PDE11A: variants seen among roughly 807,000 people sequenced by gnomAD.
The protein encoded by PDE11A is dual 3',5'-cyclic-AMP and -GMP phosphodiesterase 11A.
PDE11A carries 100 observed loss-of-function variants against 100.5 expected under a neutral mutation model. That is an observed-to-expected ratio of 1.00 (90% CI 0.85 to 1.18). The LOEUF (loss-of-function observed/expected upper bound fraction) is 1.18, where lower values mean the gene tolerates loss of function less well. Among genes scored for constraint, PDE11A ranks in the 50% most tolerant of loss-of-function variants. The probability of loss-of-function intolerance (pLI) is 0.00; values close to 1 mark genes in which losing one functional copy is unlikely to be tolerated. For synonymous variants in PDE11A, 381 were observed against 420.8 expected (o/e 0.91, Z 1.16); for missense variants, 1,141 against 1,152.6 (o/e 0.99, Z 0.15).
At chr2:177,757,474 T>C (rs2082105623) in intron 10 of PDE11A, among the ~76,000 whole-genome samples, 1 of 152,222 alleles carries the variant, frequency 6.6e-6, no homozygotes, top group Non-Finnish European at 1.5e-5. Flanking sequence ...ATAGCATTTG[T>C]CTTAGTGAAC....
At position 178,104,518 on chromosome 2, in the gene PDE11A, T is replaced by C. The variant is rs999958591; in HGVS notation, c.-13-42A>G. The C allele has an allele frequency of 2.1e-4, 314 of 1,514,268 alleles. 1 individual carries two copies. The highest frequency in any genetic ancestry group is 2.5e-4 in the Non-Finnish European group (272 of 1,095,582). The allele number at this position is 1,514,268 out of a possible 1,614,324, so 93.8% of individuals were successfully genotyped here. On this transcript the variant is annotated intron_variant, in intron 1 of 20. Transcript: ENST00000358450. ...AAACCACAAACCAAAAAAATATATATATTAGATTTTCAAAGCCGGGGAGAA... is the reference window on the plus strand; with the variant it reads ...AAACCACAAACCAAAAAAATATATACATTAGATTTTCAAAGCCGGGGAGAA...
intron 15 of PDE11A, among the ~76,000 whole-genome samples, chr2:177,689,495 C>G (rs1019832030): frequency 2.0e-5 from 3 of 152,062 alleles, no homozygotes; most frequent in Non-Finnish European, 4.4e-5. Context: ...GCTCAACAGG[C>G]AAATCATACA....
intron 10 of PDE11A, among the ~76,000 whole-genome samples, chr2:177,756,218 G>C (rs1283923872): frequency 1.3e-5 from 2 of 152,126 alleles, no homozygotes; most frequent in Non-Finnish European, 2.9e-5. Flanking sequence ...TGGGCCCCTG[G>C]TCTTTCAGGG....
intron 3 of PDE11A, among the ~76,000 whole-genome samples, chr2:177,900,369 A>G (rs2105730250): frequency 6.6e-6 from 1 of 152,348 alleles, no homozygotes; most frequent in South Asian, 2.1e-4. Context: ...CATCTCAGGG[A>G]CATGACTAAT....
chr2:177,969,976 A>G (rs1381123603), intron 2 of PDE11A, among the ~76,000 whole-genome samples: 2 of 152,220 alleles, frequency 1.3e-5, no homozygotes, highest in Non-Finnish European at 2.9e-5. Context: ...AGAAACATTT[A>G]TTGAATGGTA....
intron 2 of PDE11A, among the ~76,000 whole-genome samples, chr2:177,972,984 GT>G (rs2085791619): frequency 6.6e-6 from 1 of 152,224 alleles, no homozygotes; most frequent in African/African-American, 2.4e-5. Flanking sequence ...GGATAAGGCA[GT>G]TTGGGAGTTC....
intron 19 of PDE11A, among the ~76,000 whole-genome samples, chr2:177,660,087 CTTTCTTTCTT>C (rs1161305193): frequency 0.04 from 1,649 of 41,078 alleles, 105 homozygotes; most frequent in African/African-American, 0.057. Context: ...TTCTTTCTTT[CTTTCTTTCTT>C]TCTCTCTCTC....
At chr2:177,671,276 C>A (rs1361098908) in intron 17 of PDE11A, among the ~76,000 whole-genome samples, 1 of 45,928 alleles carries the variant, frequency 2.2e-5, no homozygotes, top group Non-Finnish European at 5.6e-5. Flanking sequence ...GTGCTCCTTT[C>A]ACAGCTTAAC....
In PDE11A at chr2:177,998,798, C is replaced by T. The variant is rs1323675208; in HGVS notation, c.1071+15504G>A. On this transcript the variant is annotated intron_variant, in intron 2 of 19. Coordinates refer to ENST00000286063, the MANE Select transcript of PDE11A (RefSeq NM_016953.4). ...TGAGCGACAAGCCCAGGGCCTGCTC[C>T]CACTATCTTCATCCTTGCCGGCACC... 5.7e-6 allele frequency: 4 copies of T among 699,878 alleles called. No individual in the cohort carries two copies. In the Admixed American group the frequency reaches 8.7e-5, roughly 15 times the overall value. The allele number at this position is 699,878 out of a possible 1,614,324, so 43.4% of individuals were successfully genotyped here.
At chr2:177,630,188 A>G (rs561748232) in intron 19 of PDE11A, among the ~76,000 whole-genome samples, 1 of 152,300 alleles carries the variant, frequency 6.6e-6, no homozygotes, top group Non-Finnish European at 1.5e-5. Context: ...GGATGAGGGA[A>G]GAGGAAATGT....
At chr2:177,877,077 A>T (rs937327343) in intron 4 of PDE11A, among the ~76,000 whole-genome samples, 1 of 147,636 alleles carries the variant, frequency 6.8e-6, no homozygotes, top group Non-Finnish European at 1.5e-5. Flanking sequence ...AATGAGCCCA[A>T]AGAACAGACA....
chr2:177,995,294 T>C (rs1360589154), intron 2 of PDE11A, among the ~76,000 whole-genome samples: 6 of 152,314 alleles, frequency 3.9e-5, no homozygotes, highest in South Asian at 4.1e-4. Context: ...TTGGAATGTT[T>C]AGAGATTATT....
intron 2 of PDE11A, chr2:177,921,721 A>G (rs1005909736): frequency 6.6e-6 from 1 of 152,220 alleles, no homozygotes; most frequent in African/African-American, 2.4e-5. Flanking sequence ...ATCAAAATGC[A>G]ACCACTGACC....
At chr2:177,759,547 T>G (rs1429073285) in intron 10 of PDE11A, among the ~76,000 whole-genome samples, 2 of 152,220 alleles carry the variant, frequency 1.3e-5, no homozygotes, top group African/African-American at 4.8e-5. Context: ...TTGGCAGGCC[T>G]GGAGAGCACA....
At chr2:177,896,791 C>T (rs1037177783) in intron 4 of PDE11A, among the ~76,000 whole-genome samples, 6 of 152,120 alleles carry the variant, frequency 3.9e-5, no homozygotes, top group Admixed American at 2.6e-4. Context: ...TGTTTCACAA[C>T]GTTTCTGGAA....
intron 4 of PDE11A, among the ~76,000 whole-genome samples, chr2:177,893,018 C>G (rs1196741154): frequency 6.6e-6 from 1 of 152,136 alleles, no homozygotes; most frequent in Non-Finnish European, 1.5e-5. Flanking sequence ...CAACTCCCCC[C>G]ACCTGCTCTC....
At chr2:177,683,526 T>C (rs1414968631) in intron 15 of PDE11A, 1 of 151,850 alleles carries the variant, frequency 6.6e-6, no homozygotes, top group Non-Finnish European at 1.5e-5. Flanking sequence ...GGAGGATGGG[T>C]GAGGCCTCCG....
chr2:177,741,684 A>G (rs1022079812), intron 10 of PDE11A, among the ~76,000 whole-genome samples: 1 of 152,196 alleles, frequency 6.6e-6, no homozygotes, highest in Non-Finnish European at 1.5e-5. Flanking sequence ...CACTCTTGGA[A>G]AGAAATATAT....
intron 13 of PDE11A, among the ~76,000 whole-genome samples, chr2:177,711,473 T>C (rs770034318): frequency 6.6e-6 from 1 of 152,176 alleles, no homozygotes; most frequent in Non-Finnish European, 1.5e-5. Context: ...TATAACGCCA[T>C]AAAGGCAAAT....
Sources: allele counts gnomAD v4.1 joint callset (sites outside exome capture counted in the v4.1 genomes callset), GRCh38; gene constraint gnomAD v4.1.1; transcripts MANE v1.5; gene names NCBI Gene and HGNC (gene_info 2026-07-23, HGNC 2026-07-21).